TRMT11: variants seen among roughly 807,000 people sequenced by gnomAD.
The protein encoded by TRMT11 is tRNA methyltransferase 11.
A neutral mutation model predicts 62.8 loss-of-function variants in TRMT11; 53 were observed. That is an observed-to-expected ratio of 0.84 (90% CI 0.68 to 1.06). TRMT11 has a LOEUF of 1.06. Among genes scored for constraint, TRMT11 ranks in the 50% least tolerant of loss-of-function variants. TRMT11 has a pLI of 0.00. For synonymous variants in TRMT11, 188 were observed against 190.3 expected (o/e 0.99, Z 0.10); for missense variants, 556 against 553.4 (o/e 1.00, Z -0.05).
the TRMT11 span, among the ~76,000 whole-genome samples, chr6:126,238,426 G>A: frequency 6.6e-6 from 1 of 152,024 alleles, no homozygotes; most frequent in Non-Finnish European, 1.5e-5. Flanking sequence ...GTTCTCGTTG[G>A]TTTCAAAGAA....
At chr6:126,187,442 T>A (rs1299977343) in intron 1 of TRMT11, among the ~76,000 whole-genome samples, 1 of 152,012 alleles carries the variant, frequency 6.6e-6, no homozygotes, top group Non-Finnish European at 1.5e-5. Context: ...TATACAATGT[T>A]ACTTGGAGAA....
the TRMT11 span, among the ~76,000 whole-genome samples, chr6:126,238,898 A>G: frequency 2.0e-4 from 31 of 152,246 alleles, no homozygotes; most frequent in Non-Finnish European, 3.7e-4. Flanking sequence ...GTGCTCCTGT[A>G]TTGGGTGCAT....
At chr6:126,140,267 T>G (rs1322712799) in intron 21 of TRMT11, among the ~76,000 whole-genome samples, 1 of 152,062 alleles carries the variant, frequency 6.6e-6, no homozygotes, top group Non-Finnish European at 1.5e-5. Flanking sequence ...AATCCCTGTA[T>G]CTGATTTGCT....
intron 12 of TRMT11, among the ~76,000 whole-genome samples, chr6:126,029,747 A>G (rs182380076): frequency 1.3e-5 from 2 of 152,308 alleles, no homozygotes; most frequent in Admixed American, 6.5e-5. Context: ...AAGTCATTAA[A>G]TGTTTAGTGT....
At chr6:126,243,661 A>C in the TRMT11 span, among the ~76,000 whole-genome samples, 1 of 152,328 alleles carries the variant, frequency 6.6e-6, no homozygotes. Flanking sequence ...GGAAACCATC[A>C]TTCTCAGCAA....
rs1298244324 is a variant in TRMT11 at position 125,998,310 on chromosome 6, A to T, written c.382A>T (p.Ile128Leu). 4.4e-6 allele frequency: 7 copies of T among 1,586,988 alleles called. No individual in the cohort carries two copies. Among genetic ancestry groups the T allele is most frequent in the Non-Finnish European group, 6.0e-6 (7 of 1,158,648 alleles). Residue 128 changes from isoleucine (I) to leucine (L), a missense_variant, in exon 5 of 13, where the codon ATA (isoleucine) becomes TTA (leucine). Coordinates refer to ENST00000334379, the MANE Select transcript of TRMT11 (RefSeq NM_001031712.3). The stretch of plus-strand genomic sequence containing the variant: ...GACACAAGAAGAGAAAATCAAGCGA[A>T]TAGATGTAAGTAAATTTAGCAAAAC... Reference protein sequence around the residue: ...TLTQEEKIKRIDALEFLPFEG... With the variant: ...TLTQEEKIKRLDALEFLPFEG...
chr6:126,119,563 A>T (rs1777627897), intron 21 of TRMT11, among the ~76,000 whole-genome samples: 1 of 151,734 alleles, frequency 6.6e-6, no homozygotes, highest in Admixed American at 6.6e-5. Context: ...AAGAAAACCG[A>T]TGCATGGAAA....
intron 16 of TRMT11, among the ~76,000 whole-genome samples, chr6:126,045,877 A>G (rs902205431): frequency 6.6e-6 from 1 of 152,142 alleles, no homozygotes; most frequent in African/African-American, 2.4e-5. Flanking sequence ...TGCCAGACTT[A>G]ATATCCATTC....
At chr6:126,242,012 C>T in the TRMT11 span, among the ~76,000 whole-genome samples, 1 of 152,188 alleles carries the variant, frequency 6.6e-6, no homozygotes, top group Non-Finnish European at 1.5e-5. Flanking sequence ...TTGCAGATGA[C>T]ATGATTTTAT....
chr6:126,079,007 C>T (rs1777098721), intron 17 of TRMT11, among the ~76,000 whole-genome samples: 1 of 152,126 alleles, frequency 6.6e-6, no homozygotes, highest in Non-Finnish European at 1.5e-5. Context: ...GATGAGTAAA[C>T]TATGGACTTA....
the TRMT11 span, among the ~76,000 whole-genome samples, chr6:126,243,905 A>C: frequency 1.3e-5 from 2 of 152,212 alleles, no homozygotes; most frequent in African/African-American, 2.4e-5. Context: ...CACGTTGTGC[A>C]TATGTACCCT....
At chr6:126,147,917 GGGATAGCATCA>G (rs1397545628) in intron 21 of TRMT11, among the ~76,000 whole-genome samples, 1 of 152,040 alleles carries the variant, frequency 6.6e-6, no homozygotes, top group African/African-American at 2.4e-5. Context: ...GGCTAGGGAA[GGGATAGCATCA>G]GGAGAAATAC....
downstream of TRMT11, among the ~76,000 whole-genome samples, chr6:126,206,617 G>C (rs546637773): frequency 2.6e-5 from 4 of 152,296 alleles, no homozygotes; most frequent in Admixed American, 2.6e-4. Context: ...ATTTTAGTCT[G>C]TCATGGGTTA....
At chr6:126,236,437 A>C in the TRMT11 span, among the ~76,000 whole-genome samples, 3 of 152,132 alleles carry the variant, frequency 2.0e-5, no homozygotes, top group Non-Finnish European at 4.4e-5. Flanking sequence ...ATTACCATTG[A>C]CACTAAATAT....
intron 6 of TRMT11, among the ~76,000 whole-genome samples, chr6:125,999,110 T>C (rs1000342279): frequency 3.3e-5 from 5 of 152,168 alleles, no homozygotes; most frequent in Non-Finnish European, 7.4e-5. Flanking sequence ...TCTCTGAGGC[T>C]TTAAATGGGT....
chr6:126,181,951 GA>G (rs1778471690), intron 1 of TRMT11, among the ~76,000 whole-genome samples: 1 of 152,134 alleles, frequency 6.6e-6, no homozygotes, highest in Non-Finnish European at 1.5e-5. Flanking sequence ...GTCAAAAACA[GA>G]TATTTCAAGA....
the TRMT11 span, among the ~76,000 whole-genome samples, chr6:126,261,556 C>A: frequency 8.6e-5 from 13 of 151,930 alleles, no homozygotes; most frequent in Non-Finnish European, 1.9e-4. Context: ...AGAATAGTTT[C>A]TTTTTCCAAT....
chr6:126,011,391 CAT>C lies in TRMT11; in HGVS notation c.902_903del (p.Tyr301PhefsTer2). On this transcript the variant is annotated frameshift_variant, in exon 9 of 13. Coordinates refer to ENST00000334379, the MANE Select transcript of TRMT11 (RefSeq NM_001031712.3). LOFTEE classifies it high-confidence loss of function. ...TCTAAACCTTCCTGGAGGAAGGGCA[CAT>C]ATTTTGATGCAATCATTACTGATCG... The C allele has an allele frequency of 6.2e-7, 1 of 1,612,552 alleles. No homozygotes were observed.
chr6:126,127,432 G>A (rs1202260853), intron 21 of TRMT11, among the ~76,000 whole-genome samples: 1 of 151,936 alleles, frequency 6.6e-6, no homozygotes, highest in East Asian at 1.9e-4. Context: ...GATATATTTG[G>A]GTTCTGGTTT....
Sources: gnomAD v4.1 joint callset for allele counts (sites outside exome capture counted in the v4.1 genomes callset) on GRCh38, gnomAD v4.1.1 for gene constraint, MANE v1.5 for transcripts, NCBI Gene and HGNC (gene_info 2026-07-23, HGNC 2026-07-21) for gene names.